PRKCH: variants seen among roughly 807,000 people sequenced by gnomAD.
PRKCH encodes protein kinase C eta type.
PRKCH carries 28 observed loss-of-function variants against 82.5 expected under a neutral mutation model. That is an observed-to-expected ratio of 0.34 (90% CI 0.25 to 0.47). PRKCH has a LOEUF of 0.47. PRKCH is among the 20% of genes least tolerant of loss of function. The pLI is 1.00. For synonymous variants in PRKCH, 322 were observed against 327.4 expected (o/e 0.98, Z 0.18); for missense variants, 705 against 881.8 (o/e 0.80, Z 2.54).
intron 1 of PRKCH, among the ~76,000 whole-genome samples, chr14:61,357,507 C>T (rs1643846115): frequency 6.6e-6 from 1 of 152,164 alleles, no homozygotes; most frequent in East Asian, 1.9e-4. Context: ...TTTTCAGCCA[C>T]ATTTATTTAC....
Position 61,280,686 on chromosome 14 carries a change from C to G in PRKCH, c.-19+93018C>G. On this transcript the variant is annotated intron_variant, in intron 1 of 3. Transcript: ENST00000555185. The surrounding 1 kb of genome is among the most constrained non-coding windows in gnomAD (Gnocchi z 5.0). ...CGCAGGGCGCGATGGGCAGGCCGGCCGCGCTGCGCTGGTAGGGGGCGCACT... is the reference window on the plus strand; with the variant it reads ...CGCAGGGCGCGATGGGCAGGCCGGCGGCGCTGCGCTGGTAGGGGGCGCACT... 2 of 1,576,624 alleles carry G rather than the reference C, an allele frequency of 1.3e-6. No homozygotes were observed. Among genetic ancestry groups the G allele is most frequent in the Non-Finnish European group, 1.7e-6 (2 of 1,163,564 alleles).
intron 2 of PRKCH, among the ~76,000 whole-genome samples, chr14:61,420,595 C>G (rs1280849243): frequency 2.0e-5 from 3 of 152,102 alleles, no homozygotes; most frequent in African/African-American, 7.2e-5. Flanking sequence ...CTAAAGGACT[C>G]TCTCTGTGTT....
At chr14:61,352,877 T>C (rs2046101439) in intron 1 of PRKCH, among the ~76,000 whole-genome samples, 1 of 152,208 alleles carries the variant, frequency 6.6e-6, no homozygotes, top group African/African-American at 2.4e-5. Flanking sequence ...TTAAGTCAGA[T>C]GTGTTTCTGA....
intron 1 of PRKCH, among the ~76,000 whole-genome samples, chr14:61,353,224 G>T (rs1469795058): frequency 6.6e-6 from 1 of 152,180 alleles, no homozygotes; most frequent in South Asian, 2.1e-4. Context: ...TACTTTTCTT[G>T]AGTGGAGAAG....
chr14:61,231,565 G>A (rs150024253), intron 1 of PRKCH, among the ~76,000 whole-genome samples: 2 of 151,996 alleles, frequency 1.3e-5, no homozygotes, highest in African/African-American at 4.8e-5. Context: ...GTAGAGACAG[G>A]GTTTCACCGT....
In PRKCH at chr14:61,529,191, C is replaced by T. The variant is rs1467782886; in HGVS notation, c.1550C>T (p.Thr517Met). The change falls in exon 11 of 14, where the codon ACG (threonine) becomes ATG (methionine). Residue 517 changes from threonine to methionine, a missense_variant. Thr to Met is a moderately conservative substitution (Grantham distance 81, BLOSUM62 -1). This residue lies in a region of PRKCH where 115 missense variants were observed against 193.8 expected (regional missense o/e 0.59). Coordinates refer to ENST00000332981, the MANE Select transcript of PRKCH (RefSeq NM_006255.5). ...GTCACCACGGCCACATTCTGTGGCA[C>T]GCCAGACTATATCGCTCCAGAGGTG... ...NGVTTATFCG[T>M]PDYIAPEILQ... 1.9e-6 allele frequency: 3 copies of T among 1,613,540 alleles called. No homozygotes were observed. Among genetic ancestry groups the T allele is most frequent in the Non-Finnish European group, 2.5e-6 (3 of 1,179,666 alleles).
chr14:61,502,754 A>C (rs535608614), intron 10 of PRKCH, among the ~76,000 whole-genome samples: 2 of 152,260 alleles, frequency 1.3e-5, no homozygotes, highest in East Asian at 3.9e-4. Context: ...AGCAGCCCCA[A>C]ATCTTGCAAA....
At chr14:61,298,767 T>C (rs1388906584) in intron 1 of PRKCH, 1 of 152,208 alleles carries the variant, frequency 6.6e-6, no homozygotes, top group East Asian at 1.9e-4. Context: ...TTTTTACTGT[T>C]ACCAGCGGTG....
At chr14:61,271,824 G>A (rs2045155934) in intron 1 of PRKCH, among the ~76,000 whole-genome samples, 1 of 152,178 alleles carries the variant, frequency 6.6e-6, no homozygotes, top group African/African-American at 2.4e-5. Context: ...GCCCTCAGCT[G>A]GAAACCTGGC....
At chr14:61,460,152 AT>A (rs201670822) in intron 9 of PRKCH, among the ~76,000 whole-genome samples, 5 of 152,110 alleles carry the variant, frequency 3.3e-5, no homozygotes, top group African/African-American at 1.2e-4. Context: ...TGGCCACTTT[AT>A]TTTTTTAAGA....
At chr14:61,250,383 G>A (rs2044934725) in intron 1 of PRKCH, among the ~76,000 whole-genome samples, 3 of 152,118 alleles carry the variant, frequency 2.0e-5, no homozygotes, top group East Asian at 1.9e-4. Context: ...AGTACATTCC[G>A]ACAATAGAAT....
chr14:61,538,930 C>T (rs1088673), intron 12 of PRKCH, among the ~76,000 whole-genome samples: 120,308 of 152,174 alleles, frequency 0.79, 48,363 homozygotes, highest in Non-Finnish European at 0.85. Context: ...AATCTTTGTT[C>T]AGCACTCACT....
rs776934704 is a variant in PRKCH, at chr14:61,449,218, C to G, written c.668C>G (p.Thr223Ser). Residue 223 changes from threonine (T) to serine (S), a missense_variant, in exon 5 of 14, where the codon ACT becomes AGT. Physicochemically the swap from Thr to Ser is moderately conservative, Grantham distance 58 (BLOSUM62 1). This residue lies in a region of PRKCH where 246 missense variants were observed against 308.0 expected (regional missense o/e 0.80). Transcript: ENST00000332981. ...RCHHLIVTACTCQNNINKVDS... is the reference protein window; with the variant it reads ...RCHHLIVTACSCQNNINKVDS... Reference sequence around the variant, plus strand: ...CATCATCTAATTGTTACAGCCTGTACTTGCCAAAACAATATTAACAAAGTG... The same window carrying G: ...CATCATCTAATTGTTACAGCCTGTAGTTGCCAAAACAATATTAACAAAGTG... 5 of 1,613,994 alleles carry G rather than the reference C, an allele frequency of 3.1e-6. No homozygotes were observed. The South Asian group carries it at 5.5e-5, about 18-fold the overall frequency.
intron 1 of PRKCH, among the ~76,000 whole-genome samples, chr14:61,293,625 A>G (rs904349882): frequency 2.6e-5 from 4 of 152,232 alleles, no homozygotes; most frequent in Non-Finnish European, 4.4e-5. Flanking sequence ...GCTATTTATT[A>G]GAAGCAATCT....
chr14:61,514,810 A>G (rs578171383), intron 10 of PRKCH, among the ~76,000 whole-genome samples: 13 of 152,332 alleles, frequency 8.5e-5, no homozygotes, highest in African/African-American at 3.1e-4. Flanking sequence ...TGGATATTGC[A>G]TTTTAGGTGG....
At chr14:61,438,908 TG>T (rs1344675444) in intron 2 of PRKCH, among the ~76,000 whole-genome samples, 1 of 152,222 alleles carries the variant, frequency 6.6e-6, no homozygotes, top group Admixed American at 6.5e-5. Flanking sequence ...ACCCTGTGGA[TG>T]GGGTGGCTTT....
chr14:61,391,717 C>A (rs17098291), intron 2 of PRKCH, among the ~76,000 whole-genome samples: 18,129 of 152,124 alleles, frequency 0.12, 2,117 homozygotes, highest in African/African-American at 0.3. Context: ...GGATTCTGTT[C>A]TTCATCTGTG....
rs781652282 is a variant in PRKCH, at chr14:61,322,408, C to T, written c.307C>T (p.Leu103=). ...GYDHFVANCT[L]QFQELLRTTG... is the part of the protein sequence containing the mutation. The stretch of plus-strand genomic sequence containing the variant: ...CGACCACTTCGTGGCCAACTGCACC[C>T]TGCAGTTCCAGGAGCTGCTGCGCAC... The change falls in exon 1 of 14, where the codon CTG becomes TTG. Residue 103 remains leucine, a synonymous_variant. Coordinates refer to ENST00000332981, the MANE Select transcript of PRKCH (RefSeq NM_006255.5). The T allele has an allele frequency of 3.7e-6, 6 of 1,606,788 alleles. No homozygotes were observed. The Admixed American group carries it at 1.0e-4, about 27-fold the overall frequency.
chr14:61,236,254 A>G (rs1196979135), intron 1 of PRKCH, among the ~76,000 whole-genome samples: 2 of 151,902 alleles, frequency 1.3e-5, no homozygotes, highest in East Asian at 3.9e-4. Context: ...AGGCGTGTGA[A>G]GCAGAGCAAC....
Sources: gnomAD v4.1 joint callset for allele counts (sites outside exome capture counted in the v4.1 genomes callset) on GRCh38, gnomAD v4.1.1 for gene constraint, gnomAD v4.1.1 regional missense constraint, Gnocchi (gnomAD v3.1) non-coding constraint, MANE v1.5 for transcripts, NCBI Gene and HGNC (gene_info 2026-07-23, HGNC 2026-07-21) for gene names.